The following DMD variants were observed in gnomAD, a reference collection of about 807,000 sequenced individuals.
DMD encodes the protein mutant dystrophin.
DMD carries 63 observed loss-of-function variants against 330.1 expected under a neutral mutation model. That is an observed-to-expected ratio of 0.19 (90% CI 0.16 to 0.24). The LOEUF (loss-of-function observed/expected upper bound fraction) is 0.24. Ranked by LOEUF, DMD falls within the 10% of genes least tolerant of loss-of-function variation. The pLI is 1.00. For synonymous variants in DMD, 1,223 were observed against 959.8 expected (o/e 1.27, Z -5.07); for missense variants, 3,344 against 2,684.1 (o/e 1.25, Z -5.43).
chrX:32,727,824 T>A (rs969522580), intron 7 of DMD, among the ~76,000 whole-genome samples: 11 of 109,377 alleles, frequency 1.0e-4, no homozygotes, highest in African/African-American at 3.5e-4. Context: ...CAAATTAGAC[T>A]GCTGTAAAAC....
intron 67 of DMD, among the ~76,000 whole-genome samples, chrX:31,192,063 C>T (rs923416011): frequency 1.8e-5 from 2 of 112,354 alleles, no homozygotes; most frequent in African/African-American, 6.5e-5. Flanking sequence ...GTTCCCTGAT[C>T]TGTTATTACA....
chrX:31,662,786 C>T (rs2081203279), intron 53 of DMD, among the ~76,000 whole-genome samples: 1 of 111,696 alleles, frequency 9.0e-6, no homozygotes. Context: ...ACCATGCCTC[C>T]GGCTTGTCCT....
At chrX:32,683,587 G>A (rs1438755107) in intron 9 of DMD, among the ~76,000 whole-genome samples, 4 of 93,085 alleles carry the variant, frequency 4.3e-5, no homozygotes, top group African/African-American at 1.6e-4. Flanking sequence ...GGTGGGAATC[G>A]AACAATGAGA....
At chrX:31,907,600 A>T (rs910642406) in intron 47 of DMD, among the ~76,000 whole-genome samples, 6 of 112,294 alleles carry the variant, frequency 5.3e-5, no homozygotes, top group African/African-American at 1.6e-4. Flanking sequence ...TGTTAGACCT[A>T]AAACCATAAA....
chrX:32,426,659 A>G (rs2098214081), intron 29 of DMD, among the ~76,000 whole-genome samples: 1 of 111,560 alleles, frequency 9.0e-6, no homozygotes, highest in African/African-American at 3.3e-5. Flanking sequence ...ACATGCACAC[A>G]TATGTTCATT....
chrX:32,431,950 T>C (rs186070402), intron 29 of DMD, among the ~76,000 whole-genome samples: 64 of 111,086 alleles, frequency 5.8e-4, no homozygotes, highest in African/African-American at 2.0e-3. Context: ...AGGGCACTTT[T>C]CATGGTAAAC....
At chrX:33,246,060 T>C (rs572713521) in intron 1 of DMD, among the ~76,000 whole-genome samples, 2 of 112,301 alleles carry the variant, frequency 1.8e-5, no homozygotes, top group East Asian at 5.6e-4. Flanking sequence ...TAATGAAATG[T>C]AGTACATATC....
intron 9 of DMD, among the ~76,000 whole-genome samples, chrX:32,658,809 G>T (rs16990551): frequency 9.0e-6 from 1 of 111,488 alleles, no homozygotes; most frequent in Non-Finnish European, 1.9e-5. Flanking sequence ...GGCCGCATTC[G>T]GGAAACTTTA....
At chrX:32,322,461 G>T (rs936679150) in intron 41 of DMD, among the ~76,000 whole-genome samples, 7 of 110,908 alleles carry the variant, frequency 6.3e-5, no homozygotes, top group African/African-American at 2.3e-4. Flanking sequence ...CACTAAAGAG[G>T]CTGAGGCAAT....
chrX:33,250,906 T>C (rs1343020749), intron 1 of DMD, among the ~76,000 whole-genome samples: 1 of 111,176 alleles, frequency 9.0e-6, no homozygotes, highest in Non-Finnish European at 1.9e-5. Context: ...ATATAAAAAG[T>C]AGTACCAGAT....
At chrX:32,974,208 T>C (rs767609194) in intron 2 of DMD, among the ~76,000 whole-genome samples, 7 of 111,863 alleles carry the variant, frequency 6.3e-5, no homozygotes, top group South Asian at 7.5e-4. Context: ...ACATATAGTA[T>C]GATTCCATTT....
chrX:33,092,003 T>A (rs780225679), intron 1 of DMD, among the ~76,000 whole-genome samples: 20 of 112,028 alleles, frequency 1.8e-4, no homozygotes, highest in Non-Finnish European at 3.4e-4. Context: ...TACTTACATA[T>A]GCTTGTCTAA....
At chrX:32,158,398 A>G (rs1261035296) in intron 44 of DMD, among the ~76,000 whole-genome samples, 1 of 110,748 alleles carries the variant, frequency 9.0e-6, no homozygotes, top group Non-Finnish European at 1.9e-5. Context: ...CATCGAAAGT[A>G]AAGAAAAAAG....
chrX:31,396,583 T>C (rs1410240495), intron 60 of DMD, among the ~76,000 whole-genome samples: 10 of 91,554 alleles, frequency 1.1e-4, no homozygotes, highest in Non-Finnish European at 1.9e-4. Context: ...TGTCTCTCCA[T>C]AATGTGCTAT....
chrX:31,327,224 A>G (rs2056845105), intron 61 of DMD, among the ~76,000 whole-genome samples: 1 of 112,215 alleles, frequency 8.9e-6, no homozygotes, highest in South Asian at 3.7e-4. Flanking sequence ...GCATTTATTT[A>G]TTGCAAAACC....
intron 67 of DMD, among the ~76,000 whole-genome samples, chrX:31,192,091 T>C (rs992263261): frequency 8.9e-6 from 1 of 112,247 alleles, no homozygotes; most frequent in Admixed American, 9.4e-5. Context: ...TAACAACCTC[T>C]AAATCTACCA....
Position 32,072,475 on chromosome X carries a change from C to T in DMD, c.6439-103961G>A, listed in dbSNP as rs191856158. Among the ~76,000 whole-genome samples, 3 of 110,973 alleles carry T rather than the reference C, an allele frequency of 2.7e-5. No homozygotes were observed. The East Asian group carries it at 8.5e-4, about 31-fold the overall frequency. ...AAAGAGGTTCCAAAACCCAGAGGGGCCCACAGTCATTGTGTTCTTTCTTGA... is the reference window on the plus strand; with the variant it reads ...AAAGAGGTTCCAAAACCCAGAGGGGTCCACAGTCATTGTGTTCTTTCTTGA... On this transcript the variant is annotated intron_variant, in intron 44 of 78. Transcript: ENST00000357033.
At chrX:31,369,874 A>T (rs1602227310) in intron 60 of DMD, among the ~76,000 whole-genome samples, 1 of 111,567 alleles carries the variant, frequency 9.0e-6, no homozygotes, top group East Asian at 2.8e-4. Flanking sequence ...CTTAAACATA[A>T]AATGTAAAAC....
chrX:31,856,026 CTT>C (rs2093608359), intron 48 of DMD, among the ~76,000 whole-genome samples: 1 of 111,767 alleles, frequency 8.9e-6, no homozygotes, highest in East Asian at 2.8e-4. Flanking sequence ...GAATTGTAGA[CTT>C]ATATATTAGG....
Sources: gnomAD v4.1 joint callset for allele counts (sites outside exome capture counted in the v4.1 genomes callset) on GRCh38, gnomAD v4.1.1 for gene constraint, MANE v1.5 for transcripts, NCBI Gene and HGNC (gene_info 2026-07-23, HGNC 2026-07-21) for gene names.